Variants in PTAR1 observed in about 807,000 individuals in gnomAD.
The protein encoded by PTAR1 is protein prenyltransferase alpha subunit repeat containing 1, also known as protein prenyltransferase alpha subunit repeat-containing protein 1.
Under a neutral mutation model 45.5 loss-of-function variants are expected in PTAR1, and 17 were observed. That is an observed-to-expected ratio of 0.37 (90% CI 0.26 to 0.56). The LOEUF (loss-of-function observed/expected upper bound fraction) is 0.56. Among genes scored for constraint, PTAR1 ranks in the 20% least tolerant of loss-of-function variants. The pLI is 0.77. For synonymous variants in PTAR1, 169 were observed against 171.3 expected, an observed-to-expected ratio of 0.99 and a Z score of 0.11; for missense variants, 391 against 476.3, an observed-to-expected ratio of 0.82 and a Z score of 1.67.
chr9:69,759,789 A>ACGCTTGGGT (rs2134190058), intron 1 of PTAR1, 64 bp downstream of exon 1: 1 of 1,477,326 alleles, frequency 6.8e-7, no homozygotes, highest in Non-Finnish European at 9.0e-7. Context: ...GGTCGGGTGG[A>ACGCTTGGGT]CGCTTGGCCC....
intron 2 of PTAR1, among the ~76,000 whole-genome samples, chr9:69,750,445 T>C (rs112643964): frequency 6.6e-6 from 1 of 152,010 alleles, no homozygotes; most frequent in African/African-American, 2.4e-5. Context: ...CTATAGGGAC[T>C]AGAGTCTTCT....
chr9:69,752,963 T>A (rs893590271), intron 1 of PTAR1, among the ~76,000 whole-genome samples: 63 of 152,058 alleles, frequency 4.1e-4, no homozygotes, highest in African/African-American at 1.5e-3. Flanking sequence ...TATTAAAAAA[T>A]AAAGTAAAAC....
In PTAR1 at chr9:69,713,093, G is replaced by A. The variant is rs1824587838; in HGVS notation, c.*5249C>T. The A allele has an allele frequency of 6.6e-6, 1 of 152,100 alleles. No homozygotes were observed. Among genetic ancestry groups the A allele is most frequent in the Non-Finnish European group, 1.5e-5 (1 of 68,010 alleles). The allele number at this position is 152,100 out of a possible 1,614,324, so 9.4% of individuals were successfully genotyped here. On this transcript the variant is annotated 3_prime_UTR_variant, in exon 8 of 8. Transcript: ENST00000340434. ...ACAGACTAATAAAAGTAACGTCAGG[G>A]TTAGCTTTCTGGACAATAGAATCAT...
chr9:69,718,505 T>C lies in PTAR1; in HGVS notation c.1046A>G (p.Tyr349Cys), dbSNP rs1824825894. 1.2e-6 allele frequency: 2 copies of C among 1,613,774 alleles called. No homozygotes were observed. Among genetic ancestry groups the C allele is most frequent in the Non-Finnish European group, 1.7e-6 (2 of 1,179,720 alleles). ...CTTCAGGCGTTTGGTTTCCTGGGAA[T>C]AGCCTTGCTTGCTAGAGTCATTCAG... The part of the protein sequence containing the change: ...DGLNDSSKQG[Y>C]SQETKRLKRT... The change falls in exon 8 of 8, where the codon TAT becomes TGT. Residue 349 changes from tyrosine (Y) to cysteine (C), a missense_variant. Transcript: ENST00000340434.
chr9:69,759,541 T>C (rs1303097811), intron 1 of PTAR1, among the ~76,000 whole-genome samples: 4 of 152,178 alleles, frequency 2.6e-5, no homozygotes, highest in South Asian at 4.1e-4. Context: ...ACAGGAAGGA[T>C]GTCGACCTAC....
Position 69,732,264 on chromosome 9 carries a change from C to T in PTAR1, c.517G>A (p.Ala173Thr). 1 of 1,613,816 alleles carries T rather than the reference C, an allele frequency of 6.2e-7. No homozygotes were observed. Among genetic ancestry groups the T allele is most frequent in the Non-Finnish European group, 8.5e-7 (1 of 1,179,754 alleles). ...ATCTCTTCTTGTATGAGTCGCTGTG[C>T]CCTTTCTGTGGGAATTGTTCCCAAG... ...GNLGTIPTER[A>T]QRLIQEEMEV... The change falls in exon 5 of 8, where the codon GCA (alanine) becomes ACA (threonine). Residue 173 changes from alanine to threonine, a missense_variant. Transcript: ENST00000340434.
chr9:69,751,688 G>C (rs1473097828), intron 1 of PTAR1, among the ~76,000 whole-genome samples: 1 of 151,946 alleles, frequency 6.6e-6, no homozygotes, highest in Non-Finnish European at 1.5e-5. Flanking sequence ...ATGTGGACCA[G>C]AAACAAAGTA....
chr9:69,723,778 C>T, intron 5 of PTAR1, 148 bp from the exon 6 acceptor site: 1 of 642,826 alleles, frequency 1.6e-6, no homozygotes, highest in East Asian at 2.8e-5. Flanking sequence ...GCACAGTGCT[C>T]TCACTTAGTG....
intron 2 of PTAR1, among the ~76,000 whole-genome samples, chr9:69,743,576 C>G (rs1217989390): frequency 6.6e-6 from 1 of 152,148 alleles, no homozygotes; most frequent in Non-Finnish European, 1.5e-5. Context: ...TTTTGACCTC[C>G]AAGTCATTAC....
chr9:69,723,221 A>G, intron 6 of PTAR1, 105 bp downstream of exon 6: 1 of 906,306 alleles, frequency 1.1e-6, no homozygotes. Flanking sequence ...CAATCAGATG[A>G]CCATGTTTAC....
chr9:69,749,199 G>A (rs1476158936), intron 2 of PTAR1, among the ~76,000 whole-genome samples: 1 of 152,114 alleles, frequency 6.6e-6, no homozygotes, highest in Middle Eastern at 3.2e-3. Flanking sequence ...ACCACAGAAA[G>A]GGTAGGTTGA....
rs1824658788 is a variant in PTAR1 at position 69,714,669 on chromosome 9, C to T, written c.*3673G>A. 1 of 152,008 alleles carries T rather than the reference C, an allele frequency of 6.6e-6. No individual in the cohort carries two copies. The highest frequency in any genetic ancestry group is 6.6e-5 in the Admixed American group (1 of 15,222). The allele number at this position is 152,008 out of a possible 1,614,324, so 9.4% of individuals were successfully genotyped here. The stretch of plus-strand genomic sequence containing the variant: ...TTCCGTATCTTGTATCACATAAGCC[C>T]TTATTTAAAAATTTAAGTACTTTTA... On this transcript the variant is annotated 3_prime_UTR_variant, in exon 8 of 8. Transcript: ENST00000340434.
chr9:69,739,509 T>C (rs966612820), intron 3 of PTAR1, among the ~76,000 whole-genome samples: 1 of 152,136 alleles, frequency 6.6e-6, no homozygotes, highest in East Asian at 1.9e-4. Flanking sequence ...TTTGCCTCTA[T>C]TTCTTTCCCC....
At chr9:69,723,773 G>A (rs1371210339) in intron 5 of PTAR1, 143 bp from the exon 6 acceptor site, 8 of 646,160 alleles carry the variant, frequency 1.2e-5, no homozygotes, top group Non-Finnish European at 2.1e-5. Context: ...GTCTAGCACA[G>A]TGCTCTCACT....
At chr9:69,732,553 G>A (rs778145728) in intron 4 of PTAR1, among the ~76,000 whole-genome samples, 6 of 151,814 alleles carry the variant, frequency 4.0e-5, no homozygotes, top group Non-Finnish European at 8.8e-5. Flanking sequence ...TGGATGAAGG[G>A]TGGAAAATGG....
At position 69,723,599 on chromosome 9, in the gene PTAR1, T is replaced by C. The variant is rs770092494; in HGVS notation, c.674A>G (p.His225Arg). ...GTCTGAAACGTGCATAGATGCCCAATGTTTAGTAGAAGATAGTTCATCAAG... is the reference window on the plus strand; with the variant it reads ...GTCTGAAACGTGCATAGATGCCCAACGTTTAGTAGAAGATAGTTCATCAAG... ...ILLDELSSTK[H>R]WASMHVSDHS... Residue 225 changes from histidine to arginine, a missense_variant, in exon 6 of 8, where the codon CAT becomes CGT. Around this residue, in one of 5 missense-constraint regions of PTAR1, gnomAD observed 181 missense variants for 227.7 expected, o/e 0.80. Transcript: ENST00000340434. 2 of 1,613,312 alleles carry C rather than the reference T, an allele frequency of 1.2e-6. No individual in the cohort carries two copies. Among genetic ancestry groups the C allele is most frequent in the Non-Finnish European group, 8.5e-7 (1 of 1,179,458 alleles).
At position 69,714,154 on chromosome 9, in the gene PTAR1, T is replaced by TGGG. The variant is rs1466036787; in HGVS notation, c.*4185_*4187dup. On this transcript the variant is annotated 3_prime_UTR_variant, in exon 8 of 8. Coordinates refer to ENST00000340434, the MANE Select transcript of PTAR1 (RefSeq NM_001099666.2). ...GCTTATTACAGAGCATACCTAGGTA[T>TGGG]GGGGAGGCAGCAACACATAAAGTGC... 5 of 152,082 alleles carry TGGG rather than the reference T, an allele frequency of 3.3e-5. No individual in the cohort carries two copies. The highest frequency in any genetic ancestry group is 1.2e-4 in the African/African-American group (5 of 41,438). 9.4% of individuals were successfully genotyped at this position (152,082 alleles called of 1,614,324 possible). A position where few individuals can be genotyped will look rare whatever the true frequency, so the allele number is the denominator to read the frequency against.
At position 69,713,867 on chromosome 9, in the gene PTAR1, G is replaced by A. The variant is rs1824619969; in HGVS notation, c.*4475C>T. 1 of 152,050 alleles carries A rather than the reference G, an allele frequency of 6.6e-6. No homozygotes were observed. The highest frequency in any genetic ancestry group is 1.9e-4 in the East Asian group (1 of 5,190). The allele number at this position is 152,050 out of a possible 1,614,324, so 9.4% of individuals were successfully genotyped here. Reference sequence around the variant, plus strand: ...TGCTTATATCAGTCTCTCACTGAAGGATAAAATACCCTACGGGGCCATGCC... The same window carrying A: ...TGCTTATATCAGTCTCTCACTGAAGAATAAAATACCCTACGGGGCCATGCC... On this transcript the variant is annotated 3_prime_UTR_variant, in exon 8 of 8. Transcript: ENST00000340434.
At chr9:69,730,497 C>A (rs912890778) in intron 5 of PTAR1, among the ~76,000 whole-genome samples, 1 of 151,096 alleles carries the variant, frequency 6.6e-6, no homozygotes, top group African/African-American at 2.4e-5. Context: ...TCTTCCCACA[C>A]ACTATCAAGT....
Sources: gnomAD v4.1 joint callset for allele counts (sites outside exome capture counted in the v4.1 genomes callset) on GRCh38, gnomAD v4.1.1 for gene constraint, gnomAD v4.1.1 regional missense constraint, MANE v1.5 for transcripts, NCBI Gene and HGNC (gene_info 2026-07-23, HGNC 2026-07-21) for gene names.